Variants in EIF2AK4 observed in about 807,000 individuals in gnomAD.
EIF2AK4 encodes eIF-2-alpha kinase GCN2.
A neutral mutation model predicts 211.1 loss-of-function variants in EIF2AK4; 139 were observed. That is an observed-to-expected ratio of 0.66 (90% CI 0.57 to 0.76). EIF2AK4 has a LOEUF of 0.76. EIF2AK4 is among the 30% of genes least tolerant of loss of function. EIF2AK4 has a pLI of 0.00. For synonymous variants in EIF2AK4, 710 were observed against 751.3 expected (o/e 0.94, Z 0.90); for missense variants, 1,664 against 2,043.8 (o/e 0.81, Z 3.58).
rs1314393578 is a variant in EIF2AK4, at chr15:40,030,394, A to G, written c.4597A>G (p.Ile1533Val). The G allele has an allele frequency of 6.2e-7, 1 of 1,614,000 alleles. No homozygotes were observed. Among genetic ancestry groups the G allele is most frequent in the Non-Finnish European group, 8.5e-7 (1 of 1,180,022 alleles). The change falls in exon 35 of 39, where the codon ATT becomes GTT. Residue 1533 changes from isoleucine to valine, a missense_variant. This residue lies in a region of EIF2AK4 where 138 missense variants were observed against 165.1 expected (regional missense o/e 0.84). Coordinates refer to ENST00000263791, the MANE Select transcript of EIF2AK4 (RefSeq NM_001013703.4). ...FEIHGATVVP[I>V]VSVLAPEKLS... ...AATCCATGGAGCAACAGTGGTTCCCATTGTGAGTGTGCTAGCCCCGGAGAA... is the reference window on the plus strand; with the variant it reads ...AATCCATGGAGCAACAGTGGTTCCCGTTGTGAGTGTGCTAGCCCCGGAGAA...
In EIF2AK4 at chr15:40,013,935, C is replaced by T. The variant is rs184687225; in HGVS notation, c.3760-2567C>T. ...CATCTGAAACAAGGCAAGTCCCTTC[C>T]GCCTATGAGCCTGTAAAATCAAAAA... On this transcript the variant is annotated intron_variant, in intron 27 of 38. Transcript: ENST00000263791. 3.1e-3 allele frequency among the ~76,000 whole-genome samples: 469 copies of T among 152,318 alleles called. 2 individuals are homozygous for T. Among genetic ancestry groups the T allele is most frequent in the Non-Finnish European group, 3.5e-3 (237 of 68,028 alleles).
intron 18 of EIF2AK4, among the ~76,000 whole-genome samples, chr15:39,996,291 A>G (rs1286991105): frequency 6.6e-6 from 1 of 152,214 alleles, no homozygotes; most frequent in East Asian, 1.9e-4. Context: ...GTTAGCTAAG[A>G]TGTGAAACAA....
At chr15:40,016,751 C>T (rs757862208) in intron 28 of EIF2AK4, 79 bp downstream of exon 28, 4 of 1,492,292 alleles carry the variant, frequency 2.7e-6, no homozygotes, top group African/African-American at 1.4e-5. Flanking sequence ...TTTCATTTCA[C>T]TAATGCTAGT....
chr15:39,996,898 A>G, intron 18 of EIF2AK4, 66 bp from the exon 19 acceptor site: 2 of 1,158,928 alleles, frequency 1.7e-6, no homozygotes, highest in Non-Finnish European at 2.6e-6. Flanking sequence ...TGCTTATCCT[A>G]TAATTCCCTG....
At chr15:39,970,558 A>C (rs1308351730) in intron 9 of EIF2AK4, among the ~76,000 whole-genome samples, 10 of 152,216 alleles carry the variant, frequency 6.6e-5, no homozygotes. Context: ...CTGGCTTAGA[A>C]AGAGCTCCAA....
chr15:39,982,416 TTA>T (rs986148413), intron 13 of EIF2AK4, among the ~76,000 whole-genome samples: 2 of 152,242 alleles, frequency 1.3e-5, no homozygotes, highest in African/African-American at 4.8e-5. Context: ...GTTTTTCTGT[TTA>T]ATACCTGCCT....
At chr15:39,996,461 T>G (rs985259194) in intron 18 of EIF2AK4, among the ~76,000 whole-genome samples, 2 of 152,132 alleles carry the variant, frequency 1.3e-5, no homozygotes, top group Admixed American at 6.5e-5. Flanking sequence ...TCCCAGCACT[T>G]TAGGAGGCCA....
At chr15:40,034,759 C>CAATG (rs1413638332) in intron 38 of EIF2AK4, among the ~76,000 whole-genome samples, 1 of 151,966 alleles carries the variant, frequency 6.6e-6, no homozygotes, top group African/African-American at 2.4e-5. Context: ...GTCATAATGC[C>CAATG]AATCAATCAA....
intron 23 of EIF2AK4, among the ~76,000 whole-genome samples, chr15:40,005,658 G>A (rs1254043588): frequency 4.0e-5 from 6 of 148,498 alleles, no homozygotes; most frequent in African/African-American, 1.2e-4. Context: ...TGCAAGCTCC[G>A]CCTCCCGGGT....
chr15:39,941,203 C>T (rs1173226949), intron 2 of EIF2AK4, among the ~76,000 whole-genome samples: 2 of 152,080 alleles, frequency 1.3e-5, no homozygotes, highest in Admixed American at 1.3e-4. Flanking sequence ...AATCTTTGGC[C>T]ACTGGTGATT....
chr15:40,008,158 C>T lies in EIF2AK4; in HGVS notation c.3539C>T (p.Thr1180Ile), dbSNP rs758476988. Residue 1180 changes from threonine to isoleucine, a missense_variant, in exon 25 of 39, where the codon ACT becomes ATT. Thr to Ile is a moderately conservative substitution (Grantham distance 89). Coordinates refer to ENST00000263791, the MANE Select transcript of EIF2AK4 (RefSeq NM_001013703.4). ...SFLPTAEIIY[T>I]IYEIIQEFPA... is the part of the protein sequence containing the mutation. ...CTGCCCACTGCTGAAATTATCTACA[C>T]TATCTATGAAATCATCCAAGAGTTT... 12 of 1,611,614 alleles carry T rather than the reference C, an allele frequency of 7.4e-6. No homozygotes were observed. Among genetic ancestry groups the T allele is most frequent in the Non-Finnish European group, 9.3e-6 (11 of 1,179,180 alleles).
chr15:40,031,653 GA>G (rs1477528793), intron 35 of EIF2AK4, among the ~76,000 whole-genome samples: 1 of 151,960 alleles, frequency 6.6e-6, no homozygotes, highest in African/African-American at 2.4e-5. Context: ...AAATGGTCAA[GA>G]TAAGTTATAA....
At chr15:39,943,980 G>T (rs1271068893) in intron 3 of EIF2AK4, among the ~76,000 whole-genome samples, 2 of 151,826 alleles carry the variant, frequency 1.3e-5, no homozygotes, top group African/African-American at 2.4e-5. Context: ...AAAAGAAGAA[G>T]AATTTTTCTG....
At chr15:40,013,869 C>T (rs1376558264) in intron 27 of EIF2AK4, among the ~76,000 whole-genome samples, 1 of 152,218 alleles carries the variant, frequency 6.6e-6, no homozygotes, top group Non-Finnish European at 1.5e-5. Context: ...ACAGTCTTAA[C>T]TCATTTCAGC....
At chr15:40,010,623 G>T in intron 26 of EIF2AK4, among the ~76,000 whole-genome samples, 1 of 21,822 alleles carries the variant, frequency 4.6e-5, no homozygotes. Context: ...AGAACTAACA[G>T]CACCAGAAGT....
intron 29 of EIF2AK4, 92 bp downstream of exon 29, chr15:40,017,334 T>A (rs1361863989): frequency 6.9e-7 from 1 of 1,443,326 alleles, no homozygotes; most frequent in African/African-American, 1.4e-5. Flanking sequence ...ACCAAAAATT[T>A]GAACCAGTAA....
In EIF2AK4 at chr15:40,034,377, C is replaced by G. The variant is rs775295979; in HGVS notation, c.4825C>G (p.Arg1609Gly). The G allele has an allele frequency of 6.2e-7, 1 of 1,614,044 alleles. No homozygotes were observed. The change falls in exon 38 of 39, where the codon CGC becomes GGC. Residue 1609 changes from arginine to glycine, a missense_variant. Physicochemically the swap from Arg to Gly is moderately radical, Grantham distance 125. Around this residue, in one of 7 missense-constraint regions of EIF2AK4, gnomAD observed 138 missense variants for 165.1 expected, o/e 0.84. Coordinates refer to ENST00000263791, the MANE Select transcript of EIF2AK4 (RefSeq NM_001013703.4). ...CACAACTGTGAAGCAGCTGCTGTCA[C>G]GCCTGCCAAAGCAAAGATACCTCAA... ...FNTTVKQLLSRLPKQRYLKLV... is the reference protein window; with the variant it reads ...FNTTVKQLLSGLPKQRYLKLV...
chr15:39,982,817 G>T (rs1280657706), intron 13 of EIF2AK4, among the ~76,000 whole-genome samples: 1 of 151,956 alleles, frequency 6.6e-6, no homozygotes, highest in Non-Finnish European at 1.5e-5. Context: ...TTCTGTTCCT[G>T]TGTTAGTGAG....
intron 9 of EIF2AK4, among the ~76,000 whole-genome samples, chr15:39,971,355 A>G (rs2034622200): frequency 1.3e-5 from 2 of 152,164 alleles, no homozygotes; most frequent in Admixed American, 1.3e-4. Context: ...AAAACCCCAT[A>G]TCTACTAAAA....
Sources: gnomAD v4.1 joint callset for allele counts (sites outside exome capture counted in the v4.1 genomes callset) on GRCh38, gnomAD v4.1.1 for gene constraint, gnomAD v4.1.1 regional missense constraint, MANE v1.5 for transcripts, NCBI Gene and HGNC (gene_info 2026-07-23, HGNC 2026-07-21) for gene names.